The following EDIL3 variants were observed in gnomAD, a reference collection of about 807,000 sequenced individuals.
The protein encoded by EDIL3 is EGF-like repeat and discoidin I-like domain-containing protein 3.
EDIL3 carries 37 observed loss-of-function variants against 67.4 expected under a neutral mutation model. The observed-to-expected ratio is 0.55, with a 90% CI of 0.42 to 0.72. The LOEUF is 0.72. EDIL3 is among the 30% of genes least tolerant of loss of function. EDIL3 has a pLI of 0.00. For missense variants in EDIL3, 527 were observed against 586.3 expected, an observed-to-expected ratio of 0.90 and a Z score of 1.04; for synonymous variants, 195 against 196.3, an observed-to-expected ratio of 0.99 and a Z score of 0.05.
chr5:84,096,374 A>C (rs1747264028), intron 6 of EDIL3, among the ~76,000 whole-genome samples: 1 of 152,154 alleles, frequency 6.6e-6, no homozygotes, highest in African/African-American at 2.4e-5. Flanking sequence ...ATGGGAACCC[A>C]CCTCTTGCAT....
chr5:84,301,279 G>GAA (rs5869220), intron 1 of EDIL3, among the ~76,000 whole-genome samples: 47 of 122,396 alleles, frequency 3.8e-4, no homozygotes, highest in Non-Finnish European at 5.8e-4. Context: ...AAAAAAAAAA[G>GAA]AAAAAAAAAA....
At chr5:83,963,766 A>G (rs932474991) in intron 9 of EDIL3, among the ~76,000 whole-genome samples, 6 of 144,986 alleles carry the variant, frequency 4.1e-5, no homozygotes, top group African/African-American at 1.3e-4. Flanking sequence ...TTCTGATTTT[A>G]TTGGTCATTT....
chr5:84,291,823 A>T (rs1474881421), intron 1 of EDIL3, among the ~76,000 whole-genome samples: 1 of 148,068 alleles, frequency 6.8e-6, no homozygotes, highest in Non-Finnish European at 1.5e-5. Flanking sequence ...ACATATATAT[A>T]CACACACATA....
intron 6 of EDIL3, among the ~76,000 whole-genome samples, chr5:84,098,555 TA>T (rs10718460): frequency 0.98 from 149,020 of 152,066 alleles, 73,026 homozygotes; most frequent in Middle Eastern, 1. Flanking sequence ...AAAATATATA[TA>T]TTTGAACATA....
At chr5:84,330,629 T>C (rs1388667910) in intron 1 of EDIL3, among the ~76,000 whole-genome samples, 1 of 152,214 alleles carries the variant, frequency 6.6e-6, no homozygotes, top group African/African-American at 2.4e-5. Flanking sequence ...AAATGATCAA[T>C]AAAATCCCTA....
Position 84,316,146 on chromosome 5 carries a change from C to T in EDIL3, c.68-61934G>A, listed in dbSNP as rs532214749. ...GAAAAGATACAACCAGTACCATCCA[C>T]GACAAAAACATGCCAAATTGTAATA... is the stretch of plus-strand genomic sequence containing the variant. On this transcript the variant is annotated intron_variant, in intron 1 of 10. Transcript: ENST00000296591. Among the ~76,000 whole-genome samples the T allele has an allele frequency of 4.6e-5, 7 of 152,134 alleles. No homozygotes were observed. The South Asian group carries it at 6.2e-4, about 13-fold the overall frequency.
chr5:84,237,896 T>C (rs562257454), intron 2 of EDIL3, among the ~76,000 whole-genome samples: 4 of 152,144 alleles, frequency 2.6e-5, no homozygotes, highest in Non-Finnish European at 5.9e-5. Flanking sequence ...AAACTTCCAA[T>C]GTCTGATGTC....
At chr5:84,182,651 AT>A (rs1262510879) in intron 3 of EDIL3, among the ~76,000 whole-genome samples, 2 of 152,004 alleles carry the variant, frequency 1.3e-5, no homozygotes, top group South Asian at 2.1e-4. Flanking sequence ...TTGACCCTCC[AT>A]TTTTTTCCAT....
intron 1 of EDIL3, among the ~76,000 whole-genome samples, chr5:84,351,168 G>A (rs1227378919): frequency 1.3e-5 from 2 of 152,054 alleles, no homozygotes; most frequent in Non-Finnish European, 2.9e-5. Context: ...TGTCAGCAAG[G>A]ACAGATGTTT....
chr5:84,168,047 C>T (rs964118657), intron 4 of EDIL3, among the ~76,000 whole-genome samples: 64 of 152,168 alleles, frequency 4.2e-4, no homozygotes, highest in African/African-American at 1.4e-3. Flanking sequence ...TATTTCCAAA[C>T]GATGCATTGC....
chr5:84,039,474 G>A (rs948070536), intron 9 of EDIL3, among the ~76,000 whole-genome samples: 12 of 152,104 alleles, frequency 7.9e-5, no homozygotes, highest in Non-Finnish European at 1.5e-4. Flanking sequence ...TTGCTTGAAA[G>A]TTAATAAACT....
chr5:84,151,482 G>T (rs1748390727), intron 4 of EDIL3, among the ~76,000 whole-genome samples: 1 of 152,114 alleles, frequency 6.6e-6, no homozygotes, highest in African/African-American at 2.4e-5. Context: ...GTAATAGGAG[G>T]AGCTGTATTC....
At chr5:84,252,224 G>A (rs989477203) in intron 2 of EDIL3, among the ~76,000 whole-genome samples, 3 of 151,934 alleles carry the variant, frequency 2.0e-5, no homozygotes, top group Non-Finnish European at 2.9e-5. Context: ...GGGCGCGGTC[G>A]CTCACGCCTG....
At chr5:83,975,777 A>G (rs148041177) in intron 9 of EDIL3, among the ~76,000 whole-genome samples, 74 of 152,088 alleles carry the variant, frequency 4.9e-4, no homozygotes, top group Admixed American at 1.3e-3. Flanking sequence ...AAAAATTATT[A>G]GAATGACACT....
At chr5:84,008,357 G>A (rs776604096) in intron 9 of EDIL3, among the ~76,000 whole-genome samples, 27 of 152,068 alleles carry the variant, frequency 1.8e-4, no homozygotes, top group Non-Finnish European at 3.5e-4. Context: ...ACTCTTAGGT[G>A]ATTATTAAAC....
intron 1 of EDIL3, among the ~76,000 whole-genome samples, chr5:84,380,529 C>T (rs1402580727): frequency 6.6e-6 from 1 of 152,058 alleles, no homozygotes; most frequent in Non-Finnish European, 1.5e-5. Context: ...GGAAGAGATA[C>T]AATGAACCTA....
intron 1 of EDIL3, among the ~76,000 whole-genome samples, chr5:84,345,915 C>T (rs1255980407): frequency 2.0e-5 from 3 of 151,998 alleles, no homozygotes; most frequent in Non-Finnish European, 4.4e-5. Flanking sequence ...TCAGTAGATC[C>T]CTATGAAAAC....
intron 1 of EDIL3, among the ~76,000 whole-genome samples, chr5:84,294,060 A>T (rs574555298): frequency 5.3e-5 from 8 of 152,016 alleles, no homozygotes; most frequent in African/African-American, 1.7e-4. Flanking sequence ...ATTCCCCTTC[A>T]TTATTGCATA....
Position 84,303,808 on chromosome 5 carries a change from CTGTGTGTGTGTGTG to C in EDIL3, c.68-49610_68-49597del, listed in dbSNP as rs199605264. Among the ~76,000 whole-genome samples the C allele has an allele frequency of 2.5e-4, 34 of 135,406 alleles. 1 individual carries two copies. Among genetic ancestry groups the C allele is most frequent in the South Asian group, 9.6e-4 (4 of 4,174 alleles). 88.8% of individuals were successfully genotyped at this position (135,406 alleles called of 152,430 possible). A position where few individuals can be genotyped will look rare whatever the true frequency, so the allele number is the denominator to read the frequency against. ...TTGAACAGCATGTCTCTCTCTCTCT[CTGTGTGTGTGTGTG>C]TGTGTGTGTGTGTGTGTGTGTGTGT... On this transcript the variant is annotated intron_variant, in intron 1 of 10. Transcript: ENST00000296591.
Sources: allele counts gnomAD v4.1 joint callset (sites outside exome capture counted in the v4.1 genomes callset), GRCh38; gene constraint gnomAD v4.1.1; transcripts MANE v1.5; gene names NCBI Gene and HGNC (gene_info 2026-07-23, HGNC 2026-07-21).